The following PLXNA1 variants were observed in gnomAD, a reference collection of about 807,000 sequenced individuals.
The protein encoded by PLXNA1 is plexin-A1.
Under a neutral mutation model 191.7 loss-of-function variants are expected in PLXNA1, and 77 were observed. The observed-to-expected ratio is 0.40, with a 90% CI of 0.33 to 0.49. The LOEUF (loss-of-function observed/expected upper bound fraction) is 0.49, where lower values mean the gene tolerates loss of function less well. PLXNA1 is among the 20% of genes least tolerant of loss of function. PLXNA1 has a pLI of 0.63. For missense variants in PLXNA1, 2,110 were observed against 2,660.2 expected, an observed-to-expected ratio of 0.79 and a Z score of 4.55; for synonymous variants, 1,137 against 1,156.4, an observed-to-expected ratio of 0.98 and a Z score of 0.34.
chr3:127,031,241 G>C (rs74722228), intron 29 of PLXNA1, among the ~76,000 whole-genome samples: 19,399 of 152,204 alleles, frequency 0.13, 1,394 homozygotes, highest in South Asian at 0.22. Context: ...TTGGCACACT[G>C]TAGCCACACC....
intron 8 of PLXNA1, 54 bp downstream of exon 8, chr3:127,006,232 C>T (rs999757108): frequency 2.2e-5 from 30 of 1,377,382 alleles, no homozygotes; most frequent in Middle Eastern, 2.0e-4. Flanking sequence ...TTGCCCCACT[C>T]CCGTCCCTGT....
rs759891798 is a variant in PLXNA1, at chr3:127,017,509, G to A, written c.3361G>A (p.Glu1121Lys). 1 of 1,613,534 alleles carries A rather than the reference G, an allele frequency of 6.2e-7. No individual in the cohort carries two copies. Among genetic ancestry groups the A allele is most frequent in the Non-Finnish European group, 8.5e-7 (1 of 1,180,018 alleles). ...NPVRSPPELG[E>K]RPDELGFVMD... is the part of the protein sequence containing the mutation. The stretch of plus-strand genomic sequence containing the variant: ...TGTGCGCAGCCCACCAGAGCTGGGG[G>A]AGCGGCCGGATGAGCTGGGCTTCGT... Residue 1121 changes from glutamate (E) to lysine (K), a missense_variant, in exon 18 of 32, where the codon GAG (glutamate) becomes AAG (lysine). Physicochemically the swap from Glu to Lys is moderately conservative, Grantham distance 56 (BLOSUM62 1). Coordinates refer to ENST00000393409, the MANE Select transcript of PLXNA1 (RefSeq NM_032242.4).
chr3:127,017,067 G>A (rs893855928), intron 17 of PLXNA1, 30 bp downstream of exon 17: 26 of 1,581,154 alleles, frequency 1.6e-5, no homozygotes, highest in Admixed American at 8.4e-5. Flanking sequence ...TGCCCACCTC[G>A]GTCCAGGCCT....
At chr3:127,022,011 C>G (rs1028988359) in intron 21 of PLXNA1, 74 bp from the exon 22 acceptor site, 2 of 1,553,712 alleles carry the variant, frequency 1.3e-6, no homozygotes, top group South Asian at 2.4e-5. Context: ...CAGGCCTGGA[C>G]AGCCCCTCAC....
In PLXNA1 at chr3:127,022,736, ATTC is replaced by A. The variant is rs770358023; in HGVS notation, c.4296-14_4296-12del. ...GCTGGAATGACACCACTCTGCCCAT[ATTC>A]TGTGCTCCCCAGGACTGAGTCGGTG... On this transcript the variant is annotated splice_polypyrimidine_tract_variant and intron_variant, in intron 22 of 31. Transcript: ENST00000393409. 1.9e-6 allele frequency: 3 copies of A among 1,612,896 alleles called. No individual in the cohort carries two copies. The South Asian group carries it at 3.3e-5, about 18-fold the overall frequency.
chr3:127,032,358 C>A (rs1037391727), intron 29 of PLXNA1, 29 bp from the exon 30 acceptor site: 3 of 1,607,576 alleles, frequency 1.9e-6, no homozygotes, highest in African/African-American at 2.7e-5. Context: ...AGAGGCCTAT[C>A]TGAGCAGCGC....
At chr3:127,015,579 G>C (rs1188523854) in intron 15 of PLXNA1, among the ~76,000 whole-genome samples, 1 of 152,230 alleles carries the variant, frequency 6.6e-6, no homozygotes, top group Non-Finnish European at 1.5e-5. Context: ...TGTGGGGAAG[G>C]GGGGAATCCC....
chr3:126,988,966 A>G lies in PLXNA1; in HGVS notation c.373A>G (p.Asn125Asp). ...NKLLLLDYAA[N>D]RLLACGSASQ... ...GCTGCTGCTGCTGGACTATGCCGCT[A>G]ACCGCCTGCTGGCCTGTGGCAGCGC... is the stretch of plus-strand genomic sequence containing the variant. The change falls in exon 2 of 32, where the codon AAC (asparagine) becomes GAC (aspartate). Residue 125 changes from asparagine (N) to aspartate (D), a missense_variant. Physicochemically the swap from Asn to Asp is conservative, Grantham distance 23 (BLOSUM62 1). Coordinates refer to ENST00000393409, the MANE Select transcript of PLXNA1 (RefSeq NM_032242.4). The G allele has an allele frequency of 6.2e-7, 1 of 1,613,230 alleles. No homozygotes were observed. Among genetic ancestry groups the G allele is most frequent in the Non-Finnish European group, 8.5e-7 (1 of 1,180,024 alleles).
Position 127,017,206 on chromosome 3 carries a change from C to T in PLXNA1, c.3276+169C>T, listed in dbSNP as rs7646085. On this transcript the variant is annotated intron_variant, in intron 17 of 31. Transcript: ENST00000393409. ...CTGGGGAGGCACCTGTCCTGCCTGG[C>T]GGGTAGAAGGTCTGGCTCTGGGTTG... 0.036 allele frequency among the ~76,000 whole-genome samples: 5,551 copies of T among 152,286 alleles called. 325 individuals carry two copies. The highest frequency in any genetic ancestry group is 0.13 in the African/African-American group (5,212 of 41,538).
At chr3:127,030,484 G>T in intron 29 of PLXNA1, 72 bp downstream of exon 29, 2 of 1,555,814 alleles carry the variant, frequency 1.3e-6, no homozygotes, top group Non-Finnish European at 1.7e-6. Flanking sequence ...CCCTCGCCCT[G>T]TTCTGATCCG....
chr3:127,020,241 A>G lies in PLXNA1; in HGVS notation c.3935A>G (p.Asn1312Ser), dbSNP rs1476432509. Residue 1312 changes from asparagine (N) to serine (S), a missense_variant, in exon 21 of 32, where the codon AAT becomes AGT. By Grantham distance (46) the Asn-to-Ser change is conservative (BLOSUM62 1). Coordinates refer to ENST00000393409, the MANE Select transcript of PLXNA1 (RefSeq NM_032242.4). Reference protein sequence around the residue: ...ELQTDIHELTNDLDGAGIPFL... With the variant: ...ELQTDIHELTSDLDGAGIPFL... Reference sequence around the variant, plus strand: ...CAGACAGACATCCACGAGCTGACCAATGACCTGGACGGTGCCGGCATCCCC... The same window carrying G: ...CAGACAGACATCCACGAGCTGACCAGTGACCTGGACGGTGCCGGCATCCCC... 6.2e-7 allele frequency: 1 copy of G among 1,613,182 alleles called. No homozygotes were observed. Among genetic ancestry groups the G allele is most frequent in the African/African-American group, 1.3e-5 (1 of 75,062 alleles).
At chr3:126,987,975 G>T (rs2078968034) in intron 1 of PLXNA1, among the ~76,000 whole-genome samples, 2 of 152,154 alleles carry the variant, frequency 1.3e-5, no homozygotes, top group South Asian at 4.1e-4. Context: ...GGCTGTCAGG[G>T]CGTGTTCGGG....
rs573065689 is a variant in PLXNA1 at position 126,989,787 on chromosome 3, G to T, written c.1194G>T (p.Ser398=). The T allele has an allele frequency of 6.3e-7, 1 of 1,599,848 alleles. No homozygotes were observed. Among genetic ancestry groups the T allele is most frequent in the East Asian group, 2.2e-5 (1 of 44,720 alleles). Reference sequence around the variant, plus strand: ...ACAAGGAGCTGGGCTGCATCAACTCGGTGAGTTGGGCAGGGGCGCCCCTCC... The same window carrying T: ...ACAAGGAGCTGGGCTGCATCAACTCTGTGAGTTGGGCAGGGGCGCCCCTCC... ...LLNKELGCIN[S]PLQIDDDFCG... Residue 398 remains serine (S), a splice_region_variant and synonymous_variant, in exon 2 of 32, where the codon TCG becomes TCT. Coordinates refer to ENST00000393409, the MANE Select transcript of PLXNA1 (RefSeq NM_032242.4).
rs544545201 is a variant in PLXNA1, at chr3:127,005,182, T to C, written c.1836T>C (p.Asp612=). The C allele has an allele frequency of 6.2e-7, 1 of 1,612,420 alleles. No homozygotes were observed. The highest frequency in any genetic ancestry group is 8.5e-7 in the Non-Finnish European group (1 of 1,179,842). ...CGGAATCTGAGAGCGTCCTGGAGGA[T>C]GGCCGGATCCACTGCCGCTCACCCT... is the stretch of plus-strand genomic sequence containing the variant. ...DFTESESVLE[D]GRIHCRSPSA... The change falls in exon 7 of 32, where the codon GAT becomes GAC. Residue 612 remains aspartate, a synonymous_variant. Coordinates refer to ENST00000393409, the MANE Select transcript of PLXNA1 (RefSeq NM_032242.4).
chr3:127,003,983 C>G (rs1457627377), intron 4 of PLXNA1, among the ~76,000 whole-genome samples: 3 of 152,254 alleles, frequency 2.0e-5, no homozygotes, highest in African/African-American at 7.2e-5. Flanking sequence ...GGAGTCCACC[C>G]CTGCCCTATG....
chr3:126,988,718 G>T lies in PLXNA1; in HGVS notation c.125G>T (p.Arg42Leu). The change falls in exon 2 of 32, where the codon CGC (arginine) becomes CTC (leucine). Residue 42 changes from arginine (R) to leucine (L), a missense_variant. Physicochemically the swap from Arg to Leu is moderately radical, Grantham distance 102 (BLOSUM62 -2). Transcript: ENST00000393409. ...GGCGGGGGTTCACAGCCCCCCTTCCGCACCTTCTCGGCCAGCGACTGGGGC... is the reference window on the plus strand; with the variant it reads ...GGCGGGGGTTCACAGCCCCCCTTCCTCACCTTCTCGGCCAGCGACTGGGGC... Reference protein sequence around the residue: ...RAGGGSQPPFRTFSASDWGLT... With the variant: ...RAGGGSQPPFLTFSASDWGLT... 6.3e-7 allele frequency: 1 copy of T among 1,576,742 alleles called. No homozygotes were observed. The highest frequency in any genetic ancestry group is 8.6e-7 in the Non-Finnish European group (1 of 1,158,618).
At chr3:127,020,499 G>GAGC (rs1406741521) in intron 21 of PLXNA1, among the ~76,000 whole-genome samples, 155 bp downstream of exon 21, 6 of 152,212 alleles carry the variant, frequency 3.9e-5, no homozygotes, top group Non-Finnish European at 8.8e-5. Flanking sequence ...GCCAAGTGGG[G>GAGC]AGCAGGTGCT....
At chr3:127,012,688 C>T (rs892527103) in intron 10 of PLXNA1, among the ~76,000 whole-genome samples, 2 of 152,260 alleles carry the variant, frequency 1.3e-5, no homozygotes, top group African/African-American at 4.8e-5. Flanking sequence ...TCCGAGCATG[C>T]GTAGACCTTC....
intron 23 of PLXNA1, chr3:127,027,648 G>C (rs1287927732): frequency 7.2e-6 from 4 of 557,726 alleles, no homozygotes; most frequent in Non-Finnish European, 1.4e-5. Context: ...CCCTGATGCA[G>C]GTCCCGCGTG....
Sources: allele counts gnomAD v4.1 joint callset (sites outside exome capture counted in the v4.1 genomes callset), GRCh38; gene constraint gnomAD v4.1.1; transcripts MANE v1.5; gene names NCBI Gene and HGNC (gene_info 2026-07-23, HGNC 2026-07-21).